Variants in EIF4E3 observed in about 807,000 individuals in gnomAD.
EIF4E3 encodes the protein eukaryotic translation initiation factor 4E family member 3.
EIF4E3 carries 26 observed loss-of-function variants against 31.7 expected under a neutral mutation model. The ratio of observed to expected loss-of-function variants is 0.82; its 90% CI spans 0.60 to 1.14. The LOEUF (loss-of-function observed/expected upper bound fraction) is 1.14, where lower values mean the gene tolerates loss of function less well. Ranked by LOEUF, EIF4E3 falls within the 50% of genes most tolerant of loss-of-function variation. EIF4E3 has a pLI of 0.00. For synonymous variants in EIF4E3, 128 were observed against 107.7 expected, an observed-to-expected ratio of 1.19 and a Z score of -1.17; for missense variants, 304 against 270.9, an observed-to-expected ratio of 1.12 and a Z score of -0.86.
chr3:71,714,273 AGAAGGAAGGAAG>A lies in EIF4E3; in HGVS notation c.177-3801_177-3790del, dbSNP rs1215872110. Among the ~76,000 whole-genome samples, 32 of 125,372 alleles carry A rather than the reference AGAAGGAAGGAAG, an allele frequency of 2.6e-4. No homozygotes were observed. In the South Asian group the frequency reaches 4.4e-3, roughly 17 times the overall value. The allele number at this position is 125,372 out of a possible 152,430, so 82.2% of individuals were successfully genotyped here. A position where few individuals can be genotyped will look rare whatever the true frequency, so the allele number is the denominator to read the frequency against. On this transcript the variant is annotated intron_variant, in intron 1 of 6. Transcript: ENST00000425534. ...AGGAAGGAAGGAAGGAAGGAAGGAA[AGAAGGAAGGAAG>A]GAAGGAAGGAAGGAAGGAACGAAAG...
intron 1 of EIF4E3, among the ~76,000 whole-genome samples, chr3:71,738,636 C>T (rs1020418646): frequency 2.0e-5 from 3 of 152,006 alleles, no homozygotes; most frequent in Non-Finnish European, 4.4e-5. Flanking sequence ...GTGCACCGAA[C>T]AAGAGAGGCT....
At chr3:71,690,903 G>A (rs1012551048) in intron 5 of EIF4E3, among the ~76,000 whole-genome samples, 14 of 152,142 alleles carry the variant, frequency 9.2e-5, no homozygotes, top group African/African-American at 3.1e-4. Context: ...ATGAATGAAC[G>A]TTAAGGCATT....
intron 5 of EIF4E3, among the ~76,000 whole-genome samples, chr3:71,691,007 G>A (rs1200762745): frequency 6.6e-6 from 1 of 152,166 alleles, no homozygotes; most frequent in East Asian, 1.9e-4. Context: ...TGGATAGTAA[G>A]GTGTTATACT....
At chr3:71,675,231 T>A (rs2048866888), downstream of EIF4E3, among the ~76,000 whole-genome samples, 1 of 152,220 alleles carries the variant, frequency 6.6e-6, no homozygotes, top group Non-Finnish European at 1.5e-5. Context: ...ATGATCCATC[T>A]GTGCTGGGAT....
intron 1 of EIF4E3, among the ~76,000 whole-genome samples, chr3:71,737,923 T>C (rs897176970): frequency 6.6e-6 from 1 of 152,154 alleles, no homozygotes; most frequent in African/African-American, 2.4e-5. Flanking sequence ...GAAATATCTA[T>C]TCAAAAATGG....
At position 71,710,502 on chromosome 3, in the gene EIF4E3, G is replaced by A; in HGVS notation, c.177-18C>T. 6.4e-7 allele frequency: 1 copy of A among 1,551,742 alleles called. No individual in the cohort carries two copies. The highest frequency in any genetic ancestry group is 8.7e-7 in the Non-Finnish European group (1 of 1,146,982). On this transcript the variant is annotated intron_variant, in intron 1 of 6. Coordinates refer to ENST00000425534, the MANE Select transcript of EIF4E3 (RefSeq NM_001134651.2). Reference sequence around the variant, plus strand: ...GGAGGGATCTAGGCAAGCAGGAGCAGGACAAAGACACAAACAAAACAAGCA... The same window carrying A: ...GGAGGGATCTAGGCAAGCAGGAGCAAGACAAAGACACAAACAAAACAAGCA...
intron 1 of EIF4E3, among the ~76,000 whole-genome samples, chr3:71,741,497 A>G (rs564135988): frequency 2.0e-5 from 3 of 152,194 alleles, no homozygotes; most frequent in Admixed American, 6.5e-5. Flanking sequence ...TTTACTCCTG[A>G]TAACAGAGCC....
At chr3:71,662,244 T>C in the EIF4E3 span, among the ~76,000 whole-genome samples, 1 of 152,208 alleles carries the variant, frequency 6.6e-6, no homozygotes, top group Non-Finnish European at 1.5e-5. Context: ...GAAGCGTCTC[T>C]TAGCTGGAAG....
intron 1 of EIF4E3, among the ~76,000 whole-genome samples, chr3:71,715,291 C>T (rs1193082452): frequency 6.6e-6 from 1 of 152,190 alleles, no homozygotes. Context: ...GTCTCAGGGG[C>T]TTTAAAATTT....
At chr3:71,699,111 C>T (rs1263716583) in intron 3 of EIF4E3, among the ~76,000 whole-genome samples, 2 of 151,996 alleles carry the variant, frequency 1.3e-5, no homozygotes, top group Non-Finnish European at 2.9e-5. Context: ...CCTGTAGTCT[C>T]AGCTACTTGG....
chr3:71,667,156 AT>A, the EIF4E3 span, among the ~76,000 whole-genome samples: 1 of 152,220 alleles, frequency 6.6e-6, no homozygotes, highest in Non-Finnish European at 1.5e-5. Flanking sequence ...CAAAAACCAC[AT>A]GATTATCTCA....
At chr3:71,710,294 C>T in intron 2 of EIF4E3, 118 bp downstream of exon 2, 1 of 1,183,078 alleles carries the variant, frequency 8.5e-7, no homozygotes, top group Non-Finnish European at 1.2e-6. Context: ...GACCCGAGAG[C>T]CAACTCCAGA....
intron 1 of EIF4E3, among the ~76,000 whole-genome samples, chr3:71,736,330 G>A (rs114950265): frequency 0.016 from 2,508 of 152,192 alleles, 80 homozygotes; most frequent in African/African-American, 0.057. Context: ...GAAAATTTAC[G>A]TCCACACAAA....
intron 3 of EIF4E3, among the ~76,000 whole-genome samples, chr3:71,699,008 C>T (rs1350477298): frequency 1.3e-5 from 2 of 152,082 alleles, no homozygotes; most frequent in East Asian, 3.9e-4. Context: ...ATTGCTGGAG[C>T]CCAGGAGTTC....
At chr3:71,711,416 C>T (rs2108080298) in intron 1 of EIF4E3, among the ~76,000 whole-genome samples, 1 of 152,350 alleles carries the variant, frequency 6.6e-6, no homozygotes, top group Middle Eastern at 3.4e-3. Flanking sequence ...ACCTCAATCA[C>T]AGCTGACCCA....
At chr3:71,706,864 A>G (rs1447901) in intron 2 of EIF4E3, among the ~76,000 whole-genome samples, 105,971 of 152,070 alleles carry the variant, frequency 0.7, 37,518 homozygotes, top group African/African-American at 0.82. Context: ...AATAAAATAA[A>G]AAGACAGTGG....
chr3:71,665,311 G>A, the EIF4E3 span, among the ~76,000 whole-genome samples: 1 of 152,196 alleles, frequency 6.6e-6, no homozygotes, highest in East Asian at 1.9e-4. Context: ...CAGCCAGTGA[G>A]CCAGATGGCA....
At position 71,690,067 on chromosome 3, in the gene EIF4E3, A is replaced by T; in HGVS notation, c.571T>A (p.Leu191Ile). Residue 191 changes from leucine (L) to isoleucine (I), a missense_variant, in exon 6 of 7, where the codon TTA becomes ATA. Leu to Ile is a conservative substitution (Grantham distance 5). Coordinates refer to ENST00000425534, the MANE Select transcript of EIF4E3 (RefSeq NM_001134651.2). ...GGCAGAAGTTCATAGATCTTTTCTA[A>T]AACAGTCGCTTCACCCACTAAAGAG... Reference protein sequence around the residue: ...NASLVGEATVLEKIYELLPHI... With the variant: ...NASLVGEATVIEKIYELLPHI... 2 of 1,614,014 alleles carry T rather than the reference A, an allele frequency of 1.2e-6. No individual in the cohort carries two copies. The highest frequency in any genetic ancestry group is 1.7e-6 in the Non-Finnish European group (2 of 1,179,958).
chr3:71,662,389 G>A, the EIF4E3 span, among the ~76,000 whole-genome samples: 1 of 152,194 alleles, frequency 6.6e-6, no homozygotes, highest in Non-Finnish European at 1.5e-5. Flanking sequence ...GCCTTGATTT[G>A]TTAGAAAGAT....
Sources: allele counts gnomAD v4.1 joint callset (sites outside exome capture counted in the v4.1 genomes callset), GRCh38; gene constraint gnomAD v4.1.1; transcripts MANE v1.5; gene names NCBI Gene and HGNC (gene_info 2026-07-23, HGNC 2026-07-21).